PLEKHB1: variants seen among roughly 807,000 people sequenced by gnomAD.
PLEKHB1 encodes pleckstrin homology domain containing B1, also known as pleckstrin homology domain-containing family B member 1.
In PLEKHB1, 29 loss-of-function variants were observed where a neutral mutation model predicts 36.2. That is an observed-to-expected ratio of 0.80 (90% CI 0.60 to 1.09). The LOEUF (loss-of-function observed/expected upper bound fraction) is 1.09. Among genes scored for constraint, PLEKHB1 ranks in the 50% least tolerant of loss-of-function variants. PLEKHB1 has a pLI of 0.00. For synonymous variants in PLEKHB1, 138 were observed against 140.0 expected (o/e 0.99, Z 0.10); for missense variants, 330 against 348.2 (o/e 0.95, Z 0.42).
At chr11:73,658,742 A>G (rs1254403514) in intron 6 of PLEKHB1, among the ~76,000 whole-genome samples, 2 of 152,078 alleles carry the variant, frequency 1.3e-5, no homozygotes, top group African/African-American at 4.8e-5. Context: ...TCAGTTTCCC[A>G]AATAGCTGGG....
rs1238108826 is a variant in PLEKHB1, at chr11:73,660,868, GC to G, written c.595+20del. On this transcript the variant is annotated intron_variant, in intron 7 of 7. Transcript: ENST00000354190. ...CCCTACGCAGGTAAGTCTCCAGCGT[GC>G]CCCGGGGCTTGCCTCGATCCAGCAC... 6 of 1,567,922 alleles carry G rather than the reference GC, an allele frequency of 3.8e-6. No individual in the cohort carries two copies. The African/African-American group carries it at 8.2e-5, about 21-fold the overall frequency.
intron 5 of PLEKHB1, among the ~76,000 whole-genome samples, chr11:73,653,873 G>C (rs1458363355): frequency 6.6e-6 from 1 of 152,162 alleles, no homozygotes; most frequent in African/African-American, 2.4e-5. Flanking sequence ...TTTCTGCTAA[G>C]AGCACCAGGG....
intron 2 of PLEKHB1, among the ~76,000 whole-genome samples, chr11:73,649,356 G>T (rs556686963): frequency 1.3e-5 from 2 of 152,064 alleles, no homozygotes; most frequent in African/African-American, 2.4e-5. Context: ...CTGCAGTAGC[G>T]TCAAGCTGGA....
At chr11:73,656,554 A>G (rs939247084) in intron 6 of PLEKHB1, among the ~76,000 whole-genome samples, 2 of 152,154 alleles carry the variant, frequency 1.3e-5, no homozygotes, top group African/African-American at 4.8e-5. Flanking sequence ...TACATAGTCT[A>G]ATTTAGTCTA....
In PLEKHB1 at chr11:73,661,778, A is replaced by C; in HGVS notation, c.*176A>C. On this transcript the variant is annotated 3_prime_UTR_variant, in exon 8 of 8. Coordinates refer to ENST00000354190, the MANE Select transcript of PLEKHB1 (RefSeq NM_021200.3). This position sits in a 1 kb window ranked among gnomAD's most constrained non-coding sequence, Gnocchi z 4.6. ...TACCCTTAATCCCCACATGGGAAGA[A>C]GCTATCATCACAGGTACAAACATCG... 1.3e-6 allele frequency: 1 copy of C among 759,952 alleles called. No homozygotes were observed. The highest frequency in any genetic ancestry group is 2.0e-6 in the Non-Finnish European group (1 of 499,452). The allele number at this position is 759,952 out of a possible 1,614,324, so 47.1% of individuals were successfully genotyped here.
chr11:73,654,101 C>T (rs144848312), intron 5 of PLEKHB1, among the ~76,000 whole-genome samples: 13 of 152,058 alleles, frequency 8.5e-5, no homozygotes, highest in Admixed American at 3.9e-4. Flanking sequence ...ACCCAGAGGC[C>T]ACTTAGGAGG....
intron 3 of PLEKHB1, chr11:73,651,491 C>A: frequency 1.7e-6 from 1 of 588,262 alleles, no homozygotes; most frequent in Non-Finnish European, 3.2e-6. Context: ...AATTAGGAGG[C>A]CCAGAGAAGC....
chr11:73,648,768 T>G, intron 1 of PLEKHB1: 3 of 1,269,004 alleles, frequency 2.4e-6, no homozygotes, highest in Non-Finnish European at 3.0e-6. Context: ...AAGCTGAGGC[T>G]GGAATCCAGG....
At chr11:73,657,177 G>A (rs1441368052) in intron 6 of PLEKHB1, among the ~76,000 whole-genome samples, 1 of 152,112 alleles carries the variant, frequency 6.6e-6, no homozygotes, top group East Asian at 1.9e-4. Flanking sequence ...ACTCTGATGT[G>A]CAGAATCACT....
intron 5 of PLEKHB1, among the ~76,000 whole-genome samples, chr11:73,654,029 G>GAAA (rs34898891): frequency 6.8e-6 from 1 of 147,898 alleles, no homozygotes. Flanking sequence ...TAGAAAAAAG[G>GAAA]AAAAAAAAAA....
intron 6 of PLEKHB1, among the ~76,000 whole-genome samples, chr11:73,659,544 C>T (rs973455562): frequency 6.6e-5 from 10 of 152,110 alleles, no homozygotes; most frequent in African/African-American, 2.4e-4. Context: ...ACAAACAAAT[C>T]AGAGTCCTTG....
chr11:73,660,885 G>A, intron 7 of PLEKHB1, 33 bp downstream of exon 7: 1 of 1,546,452 alleles, frequency 6.5e-7, no homozygotes, highest in Non-Finnish European at 8.8e-7. Flanking sequence ...GGCTTGCCTC[G>A]ATCCAGCACC....
chr11:73,652,916 G>A, intron 4 of PLEKHB1, 59 bp from the exon 5 acceptor site: 3 of 1,464,632 alleles, frequency 2.0e-6, no homozygotes, highest in Non-Finnish European at 1.9e-6. Flanking sequence ...AAAATGTGGG[G>A]GCCCAATTCA....
At chr11:73,653,828 C>T (rs932774839) in intron 5 of PLEKHB1, among the ~76,000 whole-genome samples, 6 of 151,978 alleles carry the variant, frequency 3.9e-5, no homozygotes, top group East Asian at 1.9e-4. Context: ...AGGGTTGGCA[C>T]GACCAGGTCT....
chr11:73,652,646 AG>A (rs1944919121), intron 4 of PLEKHB1: 1 of 273,208 alleles, frequency 3.7e-6, no homozygotes, highest in South Asian at 1.5e-4. Flanking sequence ...TGGGATGTGG[AG>A]GGGGACTGGG....
intron 6 of PLEKHB1, among the ~76,000 whole-genome samples, chr11:73,659,713 G>A (rs545274033): frequency 6.6e-6 from 1 of 152,350 alleles, no homozygotes; most frequent in African/African-American, 2.4e-5. Flanking sequence ...GCTAGGCTTT[G>A]AAGGGTTGGC....
intron 1 of PLEKHB1, among the ~76,000 whole-genome samples, chr11:73,646,995 C>T (rs1263635082): frequency 6.6e-6 from 1 of 152,164 alleles, no homozygotes; most frequent in Non-Finnish European, 1.5e-5. Context: ...TGCAAGGCCT[C>T]TGTGCTATTT....
intron 1 of PLEKHB1, chr11:73,647,609 A>C: frequency 1.0e-6 from 1 of 985,350 alleles, no homozygotes; most frequent in Non-Finnish European, 1.2e-6. Flanking sequence ...CTGGGCTCTC[A>C]GGCGCTGCGG....
At chr11:73,648,917 C>A in intron 1 of PLEKHB1, 95 bp from the exon 2 acceptor site, 1 of 1,502,694 alleles carries the variant, frequency 6.7e-7, no homozygotes, top group Admixed American at 2.3e-5. Flanking sequence ...CTCCCTCAAA[C>A]GTTTCCTGGG....
Sources: allele counts gnomAD v4.1 joint callset (sites outside exome capture counted in the v4.1 genomes callset), GRCh38; gene constraint gnomAD v4.1.1; non-coding constraint Gnocchi (gnomAD v3.1); transcripts MANE v1.5; gene names NCBI Gene and HGNC (gene_info 2026-07-23, HGNC 2026-07-21).